The following TTLL4 variants were observed in gnomAD, a reference collection of about 807,000 sequenced individuals.
TTLL4 encodes the protein tubulin tyrosine ligase like 4, also known as tubulin monoglutamylase TTLL4.
TTLL4 carries 85 observed loss-of-function variants against 122.7 expected under a neutral mutation model. That is an observed-to-expected ratio of 0.69 (90% CI 0.58 to 0.83). The LOEUF is 0.83. Ranked by LOEUF, TTLL4 falls within the 40% of genes least tolerant of loss-of-function variation. TTLL4 has a pLI of 0.00. For missense variants in TTLL4, 1,363 were observed against 1,488.6 expected, an observed-to-expected ratio of 0.92 and a Z score of 1.39; for synonymous variants, 553 against 563.0, an observed-to-expected ratio of 0.98 and a Z score of 0.25.
In TTLL4 at chr2:218,747,064, CACG is replaced by C; in HGVS notation, c.2037_2039del (p.Arg680del). The C allele has an allele frequency of 6.2e-7, 1 of 1,614,222 alleles. No individual in the cohort carries two copies. ...AAGGACCGGCTATGGCGGAACCTGT[CACG>C]TATGCAGAGCCGCTTTGGCAAGAAG... On this transcript the variant is annotated inframe_deletion, in exon 9 of 20. Transcript: ENST00000392102. The surrounding 1 kb of genome is among the most constrained non-coding windows in gnomAD (Gnocchi z 4.7).
Position 218,735,677 on chromosome 2 carries a change from C to CT in TTLL4, c.-98-1889dup, listed in dbSNP as rs1035349682. On this transcript the variant is annotated intron_variant, in intron 2 of 19. Coordinates refer to ENST00000392102, the MANE Select transcript of TTLL4 (RefSeq NM_014640.5). ...CAGAATTATCCCAGACAAATGACTC[C>CT]TTTTTTTTTTTTTGAGACAGAGTCT... Among the ~76,000 whole-genome samples the CT allele has an allele frequency of 2.1e-3, 310 of 145,808 alleles. 2 individuals carry two copies. Among genetic ancestry groups the CT allele is most frequent in the East Asian group, 5.8e-3 (29 of 5,038 alleles).
chr2:218,737,354 G>A (rs947530524), intron 2 of TTLL4, among the ~76,000 whole-genome samples: 4 of 152,138 alleles, frequency 2.6e-5, no homozygotes, highest in Admixed American at 2.0e-4. Flanking sequence ...GCACCTCAGT[G>A]TTTTAGTCCG....
chr2:218,743,649 C>T (rs576482409), intron 5 of TTLL4, among the ~76,000 whole-genome samples: 1 of 152,004 alleles, frequency 6.6e-6, no homozygotes, highest in Non-Finnish European at 1.5e-5. Flanking sequence ...AGTGGCTGTA[C>T]CATTTTACGT....
At chr2:218,734,819 G>A (rs953081783) in intron 2 of TTLL4, among the ~76,000 whole-genome samples, 1 of 152,258 alleles carries the variant, frequency 6.6e-6, no homozygotes, top group Admixed American at 6.5e-5. Context: ...ACATGCATGC[G>A]TGCTTGTAGT....
intron 12 of TTLL4, 108 bp downstream of exon 12, chr2:218,748,335 A>G: frequency 1.4e-6 from 2 of 1,476,128 alleles, no homozygotes; most frequent in Non-Finnish European, 9.1e-7. Context: ...TATAAGACCC[A>G]GAGATAACAC....
At chr2:218,726,270 A>G (rs1235576358) in intron 1 of TTLL4, among the ~76,000 whole-genome samples, 1 of 152,108 alleles carries the variant, frequency 6.6e-6, no homozygotes, top group Non-Finnish European at 1.5e-5. Context: ...TTGTTGCCAG[A>G]TGAATTGGAG....
chr2:218,742,830 A>G (rs748945248), intron 5 of TTLL4, among the ~76,000 whole-genome samples: 1 of 152,200 alleles, frequency 6.6e-6, no homozygotes, highest in Non-Finnish European at 1.5e-5. Context: ...GAGTCAAGAT[A>G]TAGAACATCT....
At chr2:218,723,288 G>C (rs1398138110) in intron 1 of TTLL4, among the ~76,000 whole-genome samples, 1 of 152,176 alleles carries the variant, frequency 6.6e-6, no homozygotes, top group African/African-American at 2.4e-5. Context: ...TCTCAGCTGG[G>C]TGCTGACAGC....
Position 218,747,976 on chromosome 2 carries a change from A to C in TTLL4, c.2379-129A>C. 3.0e-6 allele frequency: 4 copies of C among 1,327,112 alleles called. No individual in the cohort carries two copies. Among genetic ancestry groups the C allele is most frequent in the Non-Finnish European group, 4.2e-6 (4 of 952,028 alleles). 82.2% of individuals were successfully genotyped at this position (1,327,112 alleles called of 1,614,324 possible). A position where few individuals can be genotyped will look rare whatever the true frequency, so the allele number is the denominator to read the frequency against. ...AACTTTGCCAGTAGACACACTTCTC[A>C]GGCTCTTGTGGCTATGAAAAGATCT... On this transcript the variant is annotated intron_variant, in intron 11 of 19. Coordinates refer to ENST00000392102, the MANE Select transcript of TTLL4 (RefSeq NM_014640.5). This position sits in a 1 kb window ranked among gnomAD's most constrained non-coding sequence, Gnocchi z 4.7.
At chr2:218,749,055 TAGGA>T in intron 13 of TTLL4, 121 bp downstream of exon 13, 1 of 1,267,302 alleles carries the variant, frequency 7.9e-7, no homozygotes, top group Non-Finnish European at 1.1e-6. Flanking sequence ...GGACAGAGAA[TAGGA>T]AGGAGTGGCC....
chr2:218,725,332 A>G (rs1942157757), intron 1 of TTLL4, among the ~76,000 whole-genome samples: 1 of 151,406 alleles, frequency 6.6e-6, no homozygotes, highest in African/African-American at 2.4e-5. Context: ...CGCTTTTCCT[A>G]CCTTAGCCTC....
downstream of TTLL4, among the ~76,000 whole-genome samples, chr2:218,757,373 T>A (rs1943172000): frequency 6.6e-6 from 1 of 152,196 alleles, no homozygotes; most frequent in African/African-American, 2.4e-5. Context: ...GGGGATTTAT[T>A]CTTTGGTTAA....
chr2:218,751,187 G>T (rs608047), intron 15 of TTLL4, among the ~76,000 whole-genome samples: 86,457 of 152,108 alleles, frequency 0.57, 27,390 homozygotes, highest in African/African-American at 0.86. Context: ...GGTTGTCATT[G>T]GACATATCCC....
At chr2:218,716,966 A>T (rs1190096665) in intron 1 of TTLL4, among the ~76,000 whole-genome samples, 2 of 152,162 alleles carry the variant, frequency 1.3e-5, no homozygotes, top group Non-Finnish European at 2.9e-5. Flanking sequence ...AGGTCAGCAC[A>T]GTAAAAAGGC....
intron 14 of TTLL4, 132 bp from the exon 15 acceptor site, chr2:218,749,877 G>A: frequency 1.6e-6 from 2 of 1,221,058 alleles, no homozygotes; most frequent in East Asian, 4.7e-5. Context: ...TGGTGATCCT[G>A]CATGGGGATG....
Position 218,750,122 on chromosome 2 carries a change from G to A in TTLL4, c.2849G>A (p.Ser950Asn). Reference protein sequence around the residue: ...PNAEDIISSPSSCSSSTTSLP... With the variant: ...PNAEDIISSPNSCSSSTTSLP... The stretch of plus-strand genomic sequence containing the variant: ...GCAGAGGATATCATTTCCAGCCCCA[G>A]CAGCTGCAGCAGCTCCACCACCAGG... Residue 950 changes from serine (S) to asparagine (N), a missense_variant, in exon 15 of 20, where the codon AGC becomes AAC. Ser to Asn is a conservative substitution (Grantham distance 46). Coordinates refer to ENST00000392102, the MANE Select transcript of TTLL4 (RefSeq NM_014640.5). 2 of 1,613,840 alleles carry A rather than the reference G, an allele frequency of 1.2e-6. No homozygotes were observed. The highest frequency in any genetic ancestry group is 1.7e-6 in the Non-Finnish European group (2 of 1,179,854).
At chr2:218,744,450 G>A (rs974063332) in intron 5 of TTLL4, among the ~76,000 whole-genome samples, 1 of 152,052 alleles carries the variant, frequency 6.6e-6, no homozygotes, top group African/African-American at 2.4e-5. Flanking sequence ...TAACAGTAGG[G>A]ACCCCCATGG....
At chr2:218,711,426 G>C (rs765018898) in intron 1 of TTLL4, among the ~76,000 whole-genome samples, 7 of 150,190 alleles carry the variant, frequency 4.7e-5, no homozygotes, top group Non-Finnish European at 8.8e-5. Flanking sequence ...ATTTAACATG[G>C]ATATCTGCTT....
chr2:218,749,658 A>G (rs1329484800), intron 14 of TTLL4, among the ~76,000 whole-genome samples: 1 of 152,090 alleles, frequency 6.6e-6, no homozygotes, highest in Non-Finnish European at 1.5e-5. Flanking sequence ...TAGTAGAGAC[A>G]GGGTTTCACT....
Sources: gnomAD v4.1 joint callset for allele counts (sites outside exome capture counted in the v4.1 genomes callset) on GRCh38, gnomAD v4.1.1 for gene constraint, Gnocchi (gnomAD v3.1) non-coding constraint, MANE v1.5 for transcripts, NCBI Gene and HGNC (gene_info 2026-07-23, HGNC 2026-07-21) for gene names.